Variants in LCLAT1 observed in about 807,000 individuals in gnomAD.
LCLAT1 encodes lysocardiolipin acyltransferase 1.
A neutral mutation model predicts 30.7 loss-of-function variants in LCLAT1; 11 were observed. The ratio of observed to expected loss-of-function variants is 0.36; its 90% CI spans 0.23 to 0.59. LCLAT1 has a LOEUF of 0.59. Among genes scored for constraint, LCLAT1 ranks in the 20% least tolerant of loss-of-function variants. The pLI, the probability that LCLAT1 is intolerant of heterozygous loss-of-function variation, is 0.77. For missense variants in LCLAT1, 402 were observed against 458.6 expected, an observed-to-expected ratio of 0.88 and a Z score of 1.13; for synonymous variants, 155 against 151.3, an observed-to-expected ratio of 1.02 and a Z score of -0.18.
intron 5 of LCLAT1, among the ~76,000 whole-genome samples, chr2:30,622,465 G>T (rs1207113881): frequency 6.6e-6 from 1 of 152,090 alleles, no homozygotes; most frequent in East Asian, 1.9e-4. Flanking sequence ...ATGCTTTCTG[G>T]AAAGTGCCAC....
intron 1 of LCLAT1, among the ~76,000 whole-genome samples, chr2:30,484,336 G>C (rs1409577548): frequency 3.3e-5 from 5 of 152,096 alleles, no homozygotes; most frequent in Non-Finnish European, 7.4e-5. Context: ...CAGCATTATG[G>C]GAATAAGTAT....
At chr2:30,449,220 T>C (rs1008026588) in intron 1 of LCLAT1, among the ~76,000 whole-genome samples, 6 of 152,242 alleles carry the variant, frequency 3.9e-5, no homozygotes, top group African/African-American at 1.4e-4. Context: ...AGATGTGTTA[T>C]GTATTAAGGG....
chr2:30,564,884 G>A (rs891929963), intron 4 of LCLAT1, among the ~76,000 whole-genome samples: 2 of 151,904 alleles, frequency 1.3e-5, no homozygotes, highest in African/African-American at 4.8e-5. Context: ...TTTTATTGTT[G>A]GTTATAACTT....
chr2:30,602,301 A>T (rs1667227923), intron 5 of LCLAT1, among the ~76,000 whole-genome samples: 2 of 152,010 alleles, frequency 1.3e-5, no homozygotes, highest in African/African-American at 2.4e-5. Context: ...TCTTTCCAGC[A>T]AATTGGAAGA....
At chr2:30,447,736 A>G (rs1457382477) in intron 1 of LCLAT1, among the ~76,000 whole-genome samples, 1 of 152,140 alleles carries the variant, frequency 6.6e-6, no homozygotes, top group African/African-American at 2.4e-5. Flanking sequence ...TCCTCCTGCG[A>G]CCTCAGCGGG....
At chr2:30,515,656 T>G (rs955681307) in intron 1 of LCLAT1, among the ~76,000 whole-genome samples, 34 of 152,216 alleles carry the variant, frequency 2.2e-4, no homozygotes, top group African/African-American at 8.2e-4. Flanking sequence ...CTATCTCTGT[T>G]ATTTGTCAAT....
intron 5 of LCLAT1, among the ~76,000 whole-genome samples, chr2:30,633,936 A>G (rs1474382365): frequency 6.6e-6 from 1 of 152,226 alleles, no homozygotes; most frequent in African/African-American, 2.4e-5. Flanking sequence ...CAGATGTGTA[A>G]GGATTTGGGC....
intron 5 of LCLAT1, among the ~76,000 whole-genome samples, chr2:30,571,500 C>T (rs574439131): frequency 6.6e-6 from 1 of 152,270 alleles, no homozygotes; most frequent in Admixed American, 6.5e-5. Flanking sequence ...TAGATTTTTG[C>T]TTACTGCACA....
intron 1 of LCLAT1, among the ~76,000 whole-genome samples, chr2:30,494,381 A>T (rs547036339): frequency 1.3e-5 from 2 of 152,238 alleles, no homozygotes; most frequent in South Asian, 4.1e-4. Flanking sequence ...TTTTTGAAAG[A>T]CTTGTTTCAC....
chr2:30,633,656 GC>G (rs1166772866), intron 5 of LCLAT1, among the ~76,000 whole-genome samples: 2 of 152,138 alleles, frequency 1.3e-5, no homozygotes, highest in Admixed American at 1.3e-4. Flanking sequence ...CTGCACTCCA[GC>G]CTAGGGGACA....
intron 3 of LCLAT1, among the ~76,000 whole-genome samples, chr2:30,558,498 T>G (rs1254743605): frequency 6.7e-6 from 1 of 149,864 alleles, no homozygotes; most frequent in Admixed American, 6.7e-5. Context: ...TACTCGAGGC[T>G]GAGGCTGGAG....
chr2:30,479,167 C>T (rs554650895), intron 1 of LCLAT1, among the ~76,000 whole-genome samples: 1 of 152,076 alleles, frequency 6.6e-6, no homozygotes, highest in African/African-American at 2.4e-5. Flanking sequence ...GTGAATCTCA[C>T]AGACATGTTG....
chr2:30,489,288 G>C (rs555583965), intron 1 of LCLAT1: 1 of 152,062 alleles, frequency 6.6e-6, no homozygotes, highest in Non-Finnish European at 1.5e-5. Flanking sequence ...TACCTTCCCA[G>C]ACTTAGTGGG....
At chr2:30,604,810 G>A (rs1481779364) in intron 5 of LCLAT1, among the ~76,000 whole-genome samples, 2 of 152,074 alleles carry the variant, frequency 1.3e-5, no homozygotes, top group African/African-American at 4.8e-5. Flanking sequence ...GCATCATACT[G>A]TTTGTTTTTA....
At chr2:30,465,050 GA>G (rs1375499307) in intron 1 of LCLAT1, among the ~76,000 whole-genome samples, 1 of 152,062 alleles carries the variant, frequency 6.6e-6, no homozygotes, top group East Asian at 1.9e-4. Context: ...GTGGTAGGCT[GA>G]AAATGGTTCT....
chr2:30,539,641 G>A (rs1429513779), intron 3 of LCLAT1, among the ~76,000 whole-genome samples: 1 of 152,136 alleles, frequency 6.6e-6, no homozygotes, highest in Non-Finnish European at 1.5e-5. Flanking sequence ...ATCATTTTAA[G>A]GAATCTTCTC....
chr2:30,535,750 T>G (rs933035622), intron 3 of LCLAT1, among the ~76,000 whole-genome samples: 2 of 152,074 alleles, frequency 1.3e-5, no homozygotes, highest in African/African-American at 2.4e-5. Flanking sequence ...ACAGGAAACG[T>G]GAAAAGGCAG....
intron 1 of LCLAT1, among the ~76,000 whole-genome samples, chr2:30,480,432 T>G (rs1433057370): frequency 1.3e-5 from 2 of 152,160 alleles, no homozygotes; most frequent in East Asian, 3.8e-4. Flanking sequence ...TGAGTTCAAG[T>G]AATCTACCTG....
chr2:30,450,059 T>G (rs1335851823), intron 1 of LCLAT1, among the ~76,000 whole-genome samples: 1 of 152,216 alleles, frequency 6.6e-6, no homozygotes, highest in Non-Finnish European at 1.5e-5. Flanking sequence ...ATGTAAACAT[T>G]AACTCCTGAC....
Sources: allele counts gnomAD v4.1 joint callset (sites outside exome capture counted in the v4.1 genomes callset), GRCh38; gene constraint gnomAD v4.1.1; transcripts MANE v1.5; gene names NCBI Gene and HGNC (gene_info 2026-07-23, HGNC 2026-07-21).